PARD3: variants seen among roughly 807,000 people sequenced by gnomAD.
The protein encoded by PARD3 is partitioning defective 3 homolog.
Under a neutral mutation model 155.4 loss-of-function variants are expected in PARD3, and 75 were observed. That is an observed-to-expected ratio of 0.48 (90% CI 0.40 to 0.58). The LOEUF is 0.58. PARD3 is among the 20% of genes least tolerant of loss of function. PARD3 has a pLI of 0.00. For synonymous variants in PARD3, 576 were observed against 610.5 expected (o/e 0.94, Z 0.83); for missense variants, 1,642 against 1,721.7 (o/e 0.95, Z 0.82).
intron 1 of PARD3, among the ~76,000 whole-genome samples, chr10:34,763,170 G>A (rs1292894030): frequency 2.0e-5 from 3 of 152,114 alleles, no homozygotes; most frequent in African/African-American, 7.2e-5. Flanking sequence ...GCAATGTGTG[G>A]GACAGTCCCA....
At chr10:34,139,656 G>A (rs74627645) in intron 22 of PARD3, among the ~76,000 whole-genome samples, 5 of 152,178 alleles carry the variant, frequency 3.3e-5, no homozygotes, top group South Asian at 2.1e-4. Flanking sequence ...TCATGAAGCC[G>A]TAGTAACAGG....
At chr10:34,415,154 C>T (rs1156327406) in intron 5 of PARD3, among the ~76,000 whole-genome samples, 1 of 152,236 alleles carries the variant, frequency 6.6e-6, no homozygotes, top group Non-Finnish European at 1.5e-5. Flanking sequence ...TGCTAATAAA[C>T]ATCTAATAGA....
intron 12 of PARD3, among the ~76,000 whole-genome samples, chr10:34,363,459 T>C (rs945597203): frequency 1.3e-5 from 2 of 152,218 alleles, no homozygotes; most frequent in Non-Finnish European, 2.9e-5. Context: ...ATTAATCCAT[T>C]TGGCTTTTGA....
rs199503115 is a variant in PARD3 at position 34,700,594 on chromosome 10, T to TA, written c.121-4176dup. On this transcript the variant is annotated intron_variant, in intron 1 of 24. Transcript: ENST00000374788. The stretch of plus-strand genomic sequence containing the variant: ...GATCACTGAAAAAAATCTATGTTGA[T>TA]AAAAAAAAAATTTGAGTATTTACTA... Among the ~76,000 whole-genome samples the TA allele has an allele frequency of 3.3e-3, 488 of 150,112 alleles. 2 individuals carry two copies. Among genetic ancestry groups the TA allele is most frequent in the African/African-American group, 0.011 (433 of 41,092 alleles).
At chr10:34,586,713 G>C (rs1000884121) in intron 2 of PARD3, among the ~76,000 whole-genome samples, 19 of 152,170 alleles carry the variant, frequency 1.2e-4, no homozygotes, top group Admixed American at 1.1e-3. Context: ...TTGGGAGGCC[G>C]AGGCGAGTTG....
At chr10:34,750,616 C>T (rs1160687330) in intron 1 of PARD3, among the ~76,000 whole-genome samples, 1 of 151,894 alleles carries the variant, frequency 6.6e-6, no homozygotes, top group African/African-American at 2.4e-5. Flanking sequence ...TATTTCTTCT[C>T]TGAACTAATT....
At chr10:34,401,460 G>T (rs1359391694) in intron 6 of PARD3, among the ~76,000 whole-genome samples, 5 of 151,960 alleles carry the variant, frequency 3.3e-5, no homozygotes, top group Non-Finnish European at 5.9e-5. Flanking sequence ...TTTTAATTTA[G>T]CAAAGTGAAG....
At chr10:34,311,573 G>A (rs545488362) in intron 20 of PARD3, among the ~76,000 whole-genome samples, 1 of 152,298 alleles carries the variant, frequency 6.6e-6, no homozygotes, top group African/African-American at 2.4e-5. Flanking sequence ...CGAACACTTG[G>A]CCGGGCAGAC....
chr10:34,308,546 A>C (rs1166044404), intron 20 of PARD3, among the ~76,000 whole-genome samples: 1 of 152,230 alleles, frequency 6.6e-6, no homozygotes, highest in African/African-American at 2.4e-5. Flanking sequence ...CCAACTGAGA[A>C]GACAGAACTG....
chr10:34,757,078 G>GT (rs1352548200), intron 1 of PARD3, among the ~76,000 whole-genome samples: 2 of 152,130 alleles, frequency 1.3e-5, no homozygotes, highest in Non-Finnish European at 2.9e-5. Context: ...TAGGTGCAAT[G>GT]TTTTTTATCC....
intron 2 of PARD3, among the ~76,000 whole-genome samples, chr10:34,666,217 C>A (rs936334562): frequency 2.1e-3 from 247 of 119,478 alleles, no homozygotes; most frequent in African/African-American, 2.0e-3. Flanking sequence ...AAGATCTTAT[C>A]AAAAAAAAAA....
intron 2 of PARD3, among the ~76,000 whole-genome samples, chr10:34,602,180 G>C (rs1167568143): frequency 1.3e-5 from 2 of 152,154 alleles, no homozygotes; most frequent in Non-Finnish European, 2.9e-5. Context: ...AGACTCAAAA[G>C]AGAAACTGCA....
At chr10:34,306,581 G>A (rs956093555) in intron 20 of PARD3, among the ~76,000 whole-genome samples, 11 of 151,126 alleles carry the variant, frequency 7.3e-5, no homozygotes, top group East Asian at 2.0e-4. Flanking sequence ...CCTGGGAGGC[G>A]GAGGTTGCAG....
intron 5 of PARD3, among the ~76,000 whole-genome samples, chr10:34,436,709 C>G (rs1194623412): frequency 1.3e-5 from 2 of 151,962 alleles, no homozygotes; most frequent in African/African-American, 4.8e-5. Context: ...CCTTAATGCC[C>G]ATCAATAAAC....
At chr10:34,355,942 A>AAAAAC (rs1554837469) in intron 14 of PARD3, among the ~76,000 whole-genome samples, 6 of 129,650 alleles carry the variant, frequency 4.6e-5, no homozygotes, top group East Asian at 2.1e-4. Context: ...AAAAAAAAAA[A>AAAAAC]AAAACAAAAC....
chr10:34,551,873 C>T (rs1350909475), intron 2 of PARD3, among the ~76,000 whole-genome samples: 2 of 152,142 alleles, frequency 1.3e-5, no homozygotes, highest in African/African-American at 2.4e-5. Context: ...TTAGTCAATG[C>T]ATTTTGCAGA....
Position 34,358,126 on chromosome 10 carries a change from C to T in PARD3, c.2067+1021G>A, listed in dbSNP as rs547748493. 4.6e-5 allele frequency among the ~76,000 whole-genome samples: 7 copies of T among 152,216 alleles called. 1 individual carries two copies. The highest frequency in any genetic ancestry group is 1.7e-4 in the African/African-American group (7 of 41,540). On this transcript the variant is annotated intron_variant, in intron 14 of 24. Coordinates refer to ENST00000374788, the MANE Select transcript of PARD3 (RefSeq NM_001184785.2). ...AAGAAAAACTTCACATTTTCAACAGCTCATTTTGCACATGGGCAAGTCTGA... is the reference window on the plus strand; with the variant it reads ...AAGAAAAACTTCACATTTTCAACAGTTCATTTTGCACATGGGCAAGTCTGA...
intron 22 of PARD3, among the ~76,000 whole-genome samples, chr10:34,169,156 T>G (rs1949672330): frequency 6.6e-6 from 1 of 152,238 alleles, no homozygotes; most frequent in African/African-American, 2.4e-5. Context: ...AAACCGGGGC[T>G]AGGTATATCA....
chr10:34,461,484 T>C (rs557996419), intron 4 of PARD3, among the ~76,000 whole-genome samples: 1 of 152,018 alleles, frequency 6.6e-6, no homozygotes, highest in African/African-American at 2.4e-5. Flanking sequence ...TGGGCGCCTG[T>C]AATCCCAGCT....
Sources: allele counts gnomAD v4.1 joint callset (sites outside exome capture counted in the v4.1 genomes callset), GRCh38; gene constraint gnomAD v4.1.1; transcripts MANE v1.5; gene names NCBI Gene and HGNC (gene_info 2026-07-23, HGNC 2026-07-21).